FRMD4B: variants seen among roughly 807,000 people sequenced by gnomAD.
FRMD4B encodes FERM domain containing 4B, also known as FERM domain-containing protein 4B.
FRMD4B carries 74 observed loss-of-function variants against 141.5 expected under a neutral mutation model. The observed-to-expected ratio is 0.52, with a 90% CI of 0.43 to 0.63. The LOEUF (loss-of-function observed/expected upper bound fraction) is 0.63. FRMD4B is among the 30% of genes least tolerant of loss of function. The probability of loss-of-function intolerance (pLI) is 0.00; values close to 1 mark genes in which losing one functional copy is unlikely to be tolerated. For synonymous variants in FRMD4B, 506 were observed against 467.9 expected, an observed-to-expected ratio of 1.08 and a Z score of -1.05; for missense variants, 1,366 against 1,253.4, an observed-to-expected ratio of 1.09 and a Z score of -1.36.
intron 1 of FRMD4B, among the ~76,000 whole-genome samples, chr3:69,354,639 T>G (rs148449285): frequency 3.3e-5 from 5 of 152,198 alleles, no homozygotes; most frequent in Admixed American, 3.3e-4. Context: ...AGATAGTTCA[T>G]GCAAAGCTCA....
At chr3:69,307,076 C>T (rs527286644) in intron 3 of FRMD4B, among the ~76,000 whole-genome samples, 31 of 152,150 alleles carry the variant, frequency 2.0e-4, no homozygotes, top group African/African-American at 6.0e-4. Flanking sequence ...AAAATAAACA[C>T]GACTAGAGCC....
intron 19 of FRMD4B, among the ~76,000 whole-genome samples, chr3:69,185,875 C>T (rs1325910251): frequency 1.3e-5 from 2 of 151,820 alleles, no homozygotes; most frequent in African/African-American, 4.8e-5. Flanking sequence ...AACTCTATCT[C>T]TACTAAAGAT....
At chr3:69,278,642 A>G (rs2093629890) in intron 5 of FRMD4B, among the ~76,000 whole-genome samples, 1 of 150,000 alleles carries the variant, frequency 6.7e-6, no homozygotes, top group Admixed American at 6.6e-5. Context: ...GCAGGAGTGC[A>G]GCAGCGCAAT....
At position 69,540,636 on chromosome 3, in the gene FRMD4B, AATAT is replaced by A. The variant is rs1553652110; in HGVS notation, c.-129+1566_-129+1569del. On this transcript the variant is annotated intron_variant, in intron 1 of 5. Coordinates refer to the FRMD4B transcript ENST00000459638. ...TCTAAAAAAAAAAAAAAAAAAAAAA[AATAT>A]ATATATATATATATATATATACACA... Among the ~76,000 whole-genome samples the A allele has an allele frequency of 1.3e-3, 92 of 69,510 alleles. 1 individual carries two copies. The highest frequency in any genetic ancestry group is 8.7e-3 in the East Asian group (21 of 2,420). 45.6% of individuals were successfully genotyped at this position (69,510 alleles called of 152,430 possible). A position where few individuals can be genotyped will look rare whatever the true frequency, so the allele number is the denominator to read the frequency against.
chr3:69,381,229 G>A (rs1171262838), intron 1 of FRMD4B, among the ~76,000 whole-genome samples: 1 of 152,230 alleles, frequency 6.6e-6, no homozygotes, highest in Non-Finnish European at 1.5e-5. Flanking sequence ...GGCAAATTAA[G>A]TCACTTGCTT....
In FRMD4B at chr3:69,370,709, C is replaced by T. The variant is rs532114935; in HGVS notation, c.162+15119G>A. ...GCCTTCGGGCAGAGTTCTGCTAATG[C>T]TGCTTTCTCCTCCTCCAAATGCTTG... On this transcript the variant is annotated intron_variant, in intron 1 of 22. Coordinates refer to ENST00000398540, the MANE Select transcript of FRMD4B (RefSeq NM_015123.3). Among the ~76,000 whole-genome samples, 51 of 152,332 alleles carry T rather than the reference C, an allele frequency of 3.3e-4. 1 individual carries two copies. The highest frequency in any genetic ancestry group is 1.5e-3 in the South Asian group (7 of 4,824).
In FRMD4B at chr3:69,431,120, A is replaced by T. The variant is rs143949670; in HGVS notation, c.-1+1514T>A. 6.1e-4 allele frequency among the ~76,000 whole-genome samples: 93 copies of T among 152,324 alleles called. 1 individual carries two copies. Among genetic ancestry groups the T allele is most frequent in the African/African-American group, 2.1e-3 (89 of 41,572 alleles). ...GGAATCAAAGAAGGCAAGAATGAGG[A>T]CAGGGAGCTAAGGAGGTGAGGCTAG... On this transcript the variant is annotated intron_variant, in intron 2 of 5. Coordinates refer to the FRMD4B transcript ENST00000459638.
chr3:69,215,656 G>A (rs1256498366), intron 11 of FRMD4B, among the ~76,000 whole-genome samples: 1 of 152,000 alleles, frequency 6.6e-6, no homozygotes, highest in African/African-American at 2.4e-5. Context: ...GTTCACTGCA[G>A]AAAATGGTGA....
At chr3:69,408,929 A>C (rs1197404483) in intron 2 of FRMD4B, among the ~76,000 whole-genome samples, 1 of 152,120 alleles carries the variant, frequency 6.6e-6, no homozygotes, top group Non-Finnish European at 1.5e-5. Flanking sequence ...CCTGGGGTAA[A>C]ATCCCAGCTC....
chr3:69,245,230 G>T (rs1559748357), intron 7 of FRMD4B, among the ~76,000 whole-genome samples: 1 of 152,076 alleles, frequency 6.6e-6, no homozygotes, highest in Non-Finnish European at 1.5e-5. Context: ...AGCCAAGCTG[G>T]CATTTGAATC....
chr3:69,478,302 G>A (rs1706039947), intron 1 of FRMD4B, among the ~76,000 whole-genome samples: 1 of 152,166 alleles, frequency 6.6e-6, no homozygotes, highest in South Asian at 2.1e-4. Flanking sequence ...ATGTTAGAGT[G>A]TCAATTTTGG....
intron 2 of FRMD4B, among the ~76,000 whole-genome samples, chr3:69,408,418 G>A (rs1327038898): frequency 6.6e-6 from 1 of 152,196 alleles, no homozygotes; most frequent in African/African-American, 2.4e-5. Context: ...TAGTCTGAAA[G>A]TTCCGCCAAT....
chr3:69,455,524 G>A (rs889087235), intron 1 of FRMD4B, among the ~76,000 whole-genome samples: 8 of 152,128 alleles, frequency 5.3e-5, no homozygotes, highest in Admixed American at 2.6e-4. Flanking sequence ...TGAAGCCAGC[G>A]AGACCATTAA....
intron 1 of FRMD4B, among the ~76,000 whole-genome samples, chr3:69,488,548 TG>T (rs887991420): frequency 6.6e-6 from 1 of 152,114 alleles, no homozygotes; most frequent in Non-Finnish European, 1.5e-5. Context: ...AATAATAAAA[TG>T]GGACCCCTAC....
intron 4 of FRMD4B, among the ~76,000 whole-genome samples, chr3:69,294,583 G>T (rs1247163385): frequency 2.6e-5 from 4 of 152,190 alleles, no homozygotes. Flanking sequence ...ACCAGAGAGG[G>T]CCTCCTGGTA....
At chr3:69,347,699 T>C (rs1315485401) in intron 1 of FRMD4B, among the ~76,000 whole-genome samples, 7 of 152,154 alleles carry the variant, frequency 4.6e-5, no homozygotes, top group African/African-American at 1.4e-4. Flanking sequence ...CGCTCAACTA[T>C]ATGGAAACTG....
At chr3:69,420,892 A>C (rs1704964620) in intron 2 of FRMD4B, among the ~76,000 whole-genome samples, 1 of 152,198 alleles carries the variant, frequency 6.6e-6, no homozygotes, top group South Asian at 2.1e-4. Flanking sequence ...GACCAACAAT[A>C]TGTTACCAGA....
chr3:69,348,269 C>T (rs1703016267), intron 1 of FRMD4B, among the ~76,000 whole-genome samples: 1 of 152,084 alleles, frequency 6.6e-6, no homozygotes, highest in Admixed American at 6.6e-5. Flanking sequence ...TACACCCTCC[C>T]AAGAATAAAC....
chr3:69,540,510 A>G (rs1003261891), intron 1 of FRMD4B, among the ~76,000 whole-genome samples: 2 of 145,068 alleles, frequency 1.4e-5, no homozygotes, highest in Non-Finnish European at 3.0e-5. Context: ...GCTACTCGGG[A>G]GGCTGAGGCA....
Sources: allele counts gnomAD v4.1 joint callset (sites outside exome capture counted in the v4.1 genomes callset), GRCh38; gene constraint gnomAD v4.1.1; transcripts MANE v1.5; gene names NCBI Gene and HGNC (gene_info 2026-07-23, HGNC 2026-07-21).